SLC7A9: variants seen among roughly 807,000 people sequenced by gnomAD.
The protein encoded by SLC7A9 is B(0,+)-type amino acid transporter 1.
SLC7A9 carries 38 observed loss-of-function variants against 54.1 expected under a neutral mutation model. The ratio of observed to expected loss-of-function variants is 0.70; its 90% CI spans 0.54 to 0.92. SLC7A9 has a LOEUF of 0.92. SLC7A9 is among the 40% of genes least tolerant of loss of function. The pLI is 0.00. For missense variants in SLC7A9, 537 were observed against 636.1 expected, an observed-to-expected ratio of 0.84 and a Z score of 1.68; for synonymous variants, 264 against 258.9, an observed-to-expected ratio of 1.02 and a Z score of -0.19.
chr19:32,848,177 C>T (rs1198309891), intron 9 of SLC7A9, among the ~76,000 whole-genome samples: 2 of 152,220 alleles, frequency 1.3e-5, no homozygotes, highest in African/African-American at 4.8e-5. Context: ...ACCAAATTCA[C>T]ACATAACAAT....
intron 7 of SLC7A9, chr19:32,860,240 A>T: frequency 2.8e-6 from 4 of 1,413,652 alleles, no homozygotes; most frequent in Non-Finnish European, 3.7e-6. Flanking sequence ...CCAAACTCTA[A>T]GCGTGCATAG....
intron 9 of SLC7A9, among the ~76,000 whole-genome samples, chr19:32,849,405 CTA>C (rs1195728214): frequency 6.6e-6 from 1 of 152,034 alleles, no homozygotes; most frequent in East Asian, 1.9e-4. Flanking sequence ...ACAAACACCT[CTA>C]TGCAAATAAA....
At chr19:32,846,737 C>CGGGG (rs1968307963) in intron 9 of SLC7A9, among the ~76,000 whole-genome samples, 1 of 152,166 alleles carries the variant, frequency 6.6e-6, no homozygotes, top group Non-Finnish European at 1.5e-5. Context: ...GGGTCCCTGA[C>CGGGG]CCCCCAGCAG....
chr19:32,842,698 C>T (rs1227644225), intron 10 of SLC7A9, among the ~76,000 whole-genome samples: 2 of 151,842 alleles, frequency 1.3e-5, no homozygotes, highest in East Asian at 1.9e-4. Flanking sequence ...CTGCAACCTC[C>T]GCCTCCCAAG....
chr19:32,833,081 G>A, intron 12 of SLC7A9, 68 bp downstream of exon 12: 3 of 1,453,654 alleles, frequency 2.1e-6, no homozygotes, highest in Non-Finnish European at 2.9e-6. Context: ...CTTGGAGTCA[G>A]GACAGGTGAG....
intron 9 of SLC7A9, among the ~76,000 whole-genome samples, chr19:32,845,594 T>C (rs1385102060): frequency 1.3e-5 from 2 of 152,232 alleles, no homozygotes; most frequent in African/African-American, 4.8e-5. Flanking sequence ...ATTTGAACAT[T>C]ACAAGTTATA....
At chr19:32,867,806 G>A (rs111913307) in intron 2 of SLC7A9, among the ~76,000 whole-genome samples, 2,272 of 149,940 alleles carry the variant, frequency 0.015, 59 homozygotes, top group African/African-American at 0.048. Flanking sequence ...TTAGCCAGGC[G>A]TAGTGGCACA....
At chr19:32,845,779 G>A (rs534442590) in intron 9 of SLC7A9, among the ~76,000 whole-genome samples, 32 of 152,242 alleles carry the variant, frequency 2.1e-4, no homozygotes, top group African/African-American at 6.0e-4. Context: ...AGGCCGAGGC[G>A]GGTGGATCAC....
chr19:32,842,018 T>C, intron 11 of SLC7A9, 150 bp downstream of exon 11: 1 of 771,592 alleles, frequency 1.3e-6, no homozygotes, highest in Non-Finnish European at 2.2e-6. Flanking sequence ...TAAACTATGC[T>C]GTGAAGAGTA....
At chr19:32,860,277 C>T in intron 7 of SLC7A9, 1 of 1,393,416 alleles carries the variant, frequency 7.2e-7, no homozygotes, top group Non-Finnish European at 9.3e-7. Flanking sequence ...CATTCGCTGG[C>T]CGGGTGCAGT....
intron 11 of SLC7A9, among the ~76,000 whole-genome samples, chr19:32,837,018 A>G (rs1211095030): frequency 2.0e-5 from 3 of 152,098 alleles, no homozygotes; most frequent in African/African-American, 7.2e-5. Context: ...TGTAAGTCCA[A>G]TTTAAATGGA....
At chr19:32,845,438 T>C (rs952948815) in intron 9 of SLC7A9, among the ~76,000 whole-genome samples, 3 of 150,234 alleles carry the variant, frequency 2.0e-5, no homozygotes, top group African/African-American at 7.4e-5. Flanking sequence ...GAGGTTGCAG[T>C]GAGCCGAGAT....
chr19:32,848,149 T>C (rs1474327860), intron 9 of SLC7A9, among the ~76,000 whole-genome samples: 1 of 152,222 alleles, frequency 6.6e-6, no homozygotes, highest in Non-Finnish European at 1.5e-5. Flanking sequence ...AATAACCAGC[T>C]AACATCATAA....
intron 11 of SLC7A9, among the ~76,000 whole-genome samples, chr19:32,841,367 A>G (rs1968121807): frequency 6.6e-6 from 1 of 152,140 alleles, no homozygotes; most frequent in East Asian, 1.9e-4. Flanking sequence ...AGATGGCAAG[A>G]ATAGACTCTG....
At chr19:32,859,708 G>A (rs1054821562) in intron 8 of SLC7A9, 133 bp downstream of exon 8, 107 of 827,380 alleles carry the variant, frequency 1.3e-4, no homozygotes, top group Middle Eastern at 3.4e-4. Flanking sequence ...CATGCCGTGC[G>A]TGCCCAGTCC....
chr19:32,862,191 A>G lies in SLC7A9; in HGVS notation c.631T>C (p.Phe211Leu). 6.2e-7 allele frequency: 1 copy of G among 1,613,900 alleles called. No homozygotes were observed. Among genetic ancestry groups the G allele is most frequent in the Non-Finnish European group, 8.5e-7 (1 of 1,179,806 alleles). ...QGNTKNFDNS[F>L]EGAQLSVGAI... ...CCCACAGACAGCTGGGCGCCCTCGA[A>G]AGAATTATCAAAATTCTTTGTGTTT... The change falls in exon 6 of 13, where the codon TTC (phenylalanine) becomes CTC (leucine). Residue 211 changes from phenylalanine to leucine, a missense_variant. Physicochemically the swap from Phe to Leu is conservative, Grantham distance 22. Coordinates refer to ENST00000023064, the MANE Select transcript of SLC7A9 (RefSeq NM_014270.5).
At chr19:32,843,599 T>C (rs779859304) in intron 10 of SLC7A9, among the ~76,000 whole-genome samples, 19 of 152,282 alleles carry the variant, frequency 1.2e-4, no homozygotes, top group Non-Finnish European at 1.9e-4. Flanking sequence ...GGCTTTTATA[T>C]AGAGTTTGTT....
intron 9 of SLC7A9, among the ~76,000 whole-genome samples, 177 bp downstream of exon 9, chr19:32,858,263 G>A (rs1270645896): frequency 6.6e-6 from 1 of 152,112 alleles, no homozygotes; most frequent in African/African-American, 2.4e-5. Flanking sequence ...TGCCTTCCTG[G>A]CCAGTTTGCG....
chr19:32,860,394 TA>T, intron 7 of SLC7A9: 16 of 1,351,490 alleles, frequency 1.2e-5, no homozygotes, highest in African/African-American at 1.5e-5. Context: ...TCATCTCTAC[TA>T]AAAAAATACA....
Sources: gnomAD v4.1 joint callset for allele counts (sites outside exome capture counted in the v4.1 genomes callset) on GRCh38, gnomAD v4.1.1 for gene constraint, MANE v1.5 for transcripts, NCBI Gene and HGNC (gene_info 2026-07-23, HGNC 2026-07-21) for gene names.